PLCB1: variants seen among roughly 807,000 people sequenced by gnomAD.
PLCB1 encodes 1-phosphatidylinositol 4,5-bisphosphate phosphodiesterase beta-1.
In PLCB1, 46 loss-of-function variants were observed where a neutral mutation model predicts 161.8. That is an observed-to-expected ratio of 0.28 (90% confidence interval 0.22 to 0.36). PLCB1 has a LOEUF of 0.36. PLCB1 is among the 10% of genes least tolerant of loss of function. The pLI is 1.00. For missense variants in PLCB1, 1,016 were observed against 1,472.5 expected (o/e 0.69, Z 5.07); for synonymous variants, 517 against 503.7 (o/e 1.03, Z -0.35).
At chr20:8,662,352 A>ATATAAT (rs1568551462) in intron 9 of PLCB1, among the ~76,000 whole-genome samples, 26 of 123,714 alleles carry the variant, frequency 2.1e-4, no homozygotes, top group South Asian at 9.7e-4. Context: ...TATGTATAAT[A>ATATAAT]TGTAATTATT....
chr20:8,208,692 T>G (rs919561899), intron 2 of PLCB1, among the ~76,000 whole-genome samples: 3 of 152,152 alleles, frequency 2.0e-5, no homozygotes, highest in Admixed American at 6.6e-5. Flanking sequence ...TTGTATATGC[T>G]TTTTGGTGCA....
intron 27 of PLCB1, among the ~76,000 whole-genome samples, chr20:8,775,590 G>A (rs1982903406): frequency 6.6e-6 from 1 of 152,156 alleles, no homozygotes; most frequent in South Asian, 2.1e-4. Flanking sequence ...TGTATAATAG[G>A]TGATTCAGTG....
chr20:8,569,053 A>G (rs1986426109), intron 3 of PLCB1, among the ~76,000 whole-genome samples: 1 of 152,194 alleles, frequency 6.6e-6, no homozygotes, highest in Non-Finnish European at 1.5e-5. Flanking sequence ...GTTTTGATTG[A>G]TGGATGCATC....
At chr20:8,546,834 T>A (rs1985570592) in intron 3 of PLCB1, among the ~76,000 whole-genome samples, 1 of 152,020 alleles carries the variant, frequency 6.6e-6, no homozygotes, top group Non-Finnish European at 1.5e-5. Context: ...CAAAAAGAGT[T>A]TTTTTTAATA....
intron 31 of PLCB1, among the ~76,000 whole-genome samples, chr20:8,826,599 G>T (rs375096180): frequency 1.2e-4 from 18 of 151,888 alleles, no homozygotes; most frequent in African/African-American, 4.1e-4. Context: ...CACTAGGATT[G>T]TAAGGGCAAG....
chr20:8,628,581 A>T, intron 4 of PLCB1, 150 bp downstream of exon 4: 1 of 702,876 alleles, frequency 1.4e-6, no homozygotes, highest in Non-Finnish European at 2.4e-6. Flanking sequence ...TATAAGTGCA[A>T]TTAAAATACT....
intron 31 of PLCB1, among the ~76,000 whole-genome samples, chr20:8,797,373 A>G (rs1053092207): frequency 2.6e-5 from 4 of 151,154 alleles, no homozygotes; most frequent in South Asian, 2.1e-4. Context: ...GAAAGCAAAT[A>G]TGGCTTCTGT....
At chr20:8,623,221 C>G (rs866589068) in intron 3 of PLCB1, among the ~76,000 whole-genome samples, 2 of 152,110 alleles carry the variant, frequency 1.3e-5, no homozygotes, top group African/African-American at 4.8e-5. Context: ...AACAACCAAA[C>G]TTTTAGCTCC....
intron 31 of PLCB1, among the ~76,000 whole-genome samples, chr20:8,847,888 A>G (rs2146297929): frequency 6.6e-6 from 1 of 152,300 alleles, no homozygotes; most frequent in East Asian, 1.9e-4. Flanking sequence ...TGAGACTGGC[A>G]ATTTATACGA....
intron 3 of PLCB1, among the ~76,000 whole-genome samples, chr20:8,622,338 C>G (rs1375667869): frequency 6.6e-6 from 1 of 151,838 alleles, no homozygotes; most frequent in Non-Finnish European, 1.5e-5. Context: ...GAAGATTAAT[C>G]AATATTGAGA....
intron 27 of PLCB1, among the ~76,000 whole-genome samples, chr20:8,783,711 T>C (rs1203189581): frequency 6.6e-6 from 1 of 152,212 alleles, no homozygotes; most frequent in Non-Finnish European, 1.5e-5. Context: ...ATATTAGTGT[T>C]ATTCTTTTCC....
chr20:8,840,007 G>A (rs1220865888), intron 31 of PLCB1, among the ~76,000 whole-genome samples: 1 of 151,176 alleles, frequency 6.6e-6, no homozygotes, highest in Non-Finnish European at 1.5e-5. Flanking sequence ...CTCCAACCTG[G>A]GTGACAGAGA....
intron 27 of PLCB1, among the ~76,000 whole-genome samples, chr20:8,787,226 CTTCCCACCTTGCAGATTGAATTCCA>C (rs1983531432): frequency 6.6e-6 from 1 of 152,182 alleles, no homozygotes; most frequent in Non-Finnish European, 1.5e-5. Context: ...TGCTAGTGTG[CTTCCCACCTTGCAGATTGAATTCCA>C]AGTTCCACCC....
At chr20:8,141,582 G>A (rs1414034836) in intron 1 of PLCB1, among the ~76,000 whole-genome samples, 7 of 146,016 alleles carry the variant, frequency 4.8e-5, no homozygotes, top group African/African-American at 7.7e-5. Flanking sequence ...AGCCAAGATC[G>A]CGCCACTGCA....
At chr20:8,645,984 C>A in intron 4 of PLCB1, 118 bp from the exon 5 acceptor site, 1 of 649,904 alleles carries the variant, frequency 1.5e-6, no homozygotes, top group Non-Finnish European at 2.7e-6. Flanking sequence ...CAAAACAAAA[C>A]AAAAAACCTT....
Position 8,628,370 on chromosome 20 carries a change from G to T in PLCB1, c.323G>T (p.Gly108Val). ...LEQRMITVVY[G>V]PDLVNISHLN... is the part of the protein sequence containing the mutation. ...CAGCGCATGATCACAGTGGTGTATG[G>T]GCCTGACCTCGTGAACATCTCCCAT... is the stretch of plus-strand genomic sequence containing the variant. Residue 108 changes from glycine to valine, a missense_variant, in exon 4 of 32, where the codon GGG (glycine) becomes GTG (valine). By Grantham distance (109) the Gly-to-Val change is moderately radical. Coordinates refer to ENST00000338037, the MANE Select transcript of PLCB1 (RefSeq NM_015192.4). The T allele has an allele frequency of 6.2e-7, 1 of 1,614,034 alleles. No homozygotes were observed. Among genetic ancestry groups the T allele is most frequent in the Non-Finnish European group, 8.5e-7 (1 of 1,179,966 alleles).
At chr20:8,222,561 T>A (rs1979470641) in intron 2 of PLCB1, among the ~76,000 whole-genome samples, 1 of 152,158 alleles carries the variant, frequency 6.6e-6, no homozygotes, top group Admixed American at 6.5e-5. Context: ...TGAATTTCTT[T>A]GTATTTATTC....
chr20:8,452,663 A>T (rs1211692754), intron 3 of PLCB1, among the ~76,000 whole-genome samples: 1 of 152,232 alleles, frequency 6.6e-6, no homozygotes, highest in East Asian at 1.9e-4. Context: ...GCGCTCAGTG[A>T]TCCCTGCAAA....
At chr20:8,496,911 T>A (rs1188485672) in intron 3 of PLCB1, among the ~76,000 whole-genome samples, 1 of 152,216 alleles carries the variant, frequency 6.6e-6, no homozygotes, top group East Asian at 1.9e-4. Flanking sequence ...GATAATATCC[T>A]CACTTTACAG....
Sources: gnomAD v4.1 joint callset for allele counts (sites outside exome capture counted in the v4.1 genomes callset) on GRCh38, gnomAD v4.1.1 for gene constraint, MANE v1.5 for transcripts, NCBI Gene and HGNC (gene_info 2026-07-23, HGNC 2026-07-21) for gene names.